TRPM8: variants seen among roughly 807,000 people sequenced by gnomAD.
The protein encoded by TRPM8 is TRPM8 cationic channel.
In TRPM8, 110 loss-of-function variants were observed where a neutral mutation model predicts 133.7. The observed-to-expected ratio is 0.82, with a 90% confidence interval of 0.70 to 0.96. TRPM8 has a LOEUF of 0.96. TRPM8 is among the 40% of genes least tolerant of loss of function. The pLI, the probability that TRPM8 is intolerant of heterozygous loss-of-function variation, is 0.00. For synonymous variants in TRPM8, 535 were observed against 532.3 expected, an observed-to-expected ratio of 1.01 and a Z score of -0.07; for missense variants, 1,291 against 1,379.5, an observed-to-expected ratio of 0.94 and a Z score of 1.02.
rs183819028 is a variant in TRPM8 at position 233,922,454 on chromosome 2, T to C, written c.-5-4079T>C. Among the ~76,000 whole-genome samples the C allele has an allele frequency of 3.6e-3, 551 of 152,338 alleles. 1 individual carries two copies. The highest frequency in any genetic ancestry group is 0.012 in the African/African-American group (497 of 41,574). On this transcript the variant is annotated intron_variant, in intron 1 of 25. Coordinates refer to ENST00000324695, the MANE Select transcript of TRPM8 (RefSeq NM_024080.5). Reference sequence around the variant, plus strand: ...ATTTTATCCTCAGCTCATTTATTTCTCTTTGGTTCCTTTGCTTTACATAAT... The same window carrying C: ...ATTTTATCCTCAGCTCATTTATTTCCCTTTGGTTCCTTTGCTTTACATAAT...
At chr2:233,964,381 G>A (rs1417317472) in intron 13 of TRPM8, among the ~76,000 whole-genome samples, 1 of 151,320 alleles carries the variant, frequency 6.6e-6, no homozygotes, top group Non-Finnish European at 1.5e-5. Context: ...GCGAAACCCC[G>A]TCTCTACTAA....
intron 25 of TRPM8, 27 bp from the exon 26 acceptor site, chr2:234,017,272 C>A: frequency 2.1e-6 from 1 of 470,140 alleles, no homozygotes; most frequent in Non-Finnish European, 4.4e-6. Context: ...CTATTCTTAA[C>A]ACAGTGTTCT....
chr2:233,934,378 A>G (rs1559519037), intron 3 of TRPM8, among the ~76,000 whole-genome samples: 1 of 152,222 alleles, frequency 6.6e-6, no homozygotes, highest in Non-Finnish European at 1.5e-5. Context: ...CTAATTTCAA[A>G]TTCTTAAGAA....
chr2:233,949,913 GTC>G, intron 8 of TRPM8, 34 bp from the exon 9 acceptor site: 1 of 1,605,688 alleles, frequency 6.2e-7, no homozygotes, highest in Non-Finnish European at 8.5e-7. Context: ...GTGGACCAAG[GTC>G]TCTGATCTGT....
intron 18 of TRPM8, among the ~76,000 whole-genome samples, chr2:233,980,969 G>A (rs1691992588): frequency 6.6e-6 from 1 of 152,164 alleles, no homozygotes; most frequent in Admixed American, 6.5e-5. Flanking sequence ...CAACACTTTG[G>A]GAGGATGAGG....
intron 21 of TRPM8, among the ~76,000 whole-genome samples, chr2:233,990,911 G>C (rs190376036): frequency 2.6e-4 from 40 of 152,236 alleles, no homozygotes; most frequent in African/African-American, 8.7e-4. Flanking sequence ...GGAAACATAT[G>C]AATATAATAT....
chr2:233,947,181 AG>A, intron 8 of TRPM8, 26 bp downstream of exon 8: 1 of 1,612,598 alleles, frequency 6.2e-7, no homozygotes, highest in Admixed American at 1.7e-5. Flanking sequence ...GTTTTCTAGA[AG>A]GTTGGCTAAT....
At chr2:234,002,217 G>A (rs1312707430) in intron 22 of TRPM8, among the ~76,000 whole-genome samples, 7 of 151,968 alleles carry the variant, frequency 4.6e-5, no homozygotes, top group South Asian at 2.1e-4. Context: ...GCCACAGAGC[G>A]AGGAGTGGGC....
At chr2:233,945,547 G>T (rs575928168) in intron 6 of TRPM8, among the ~76,000 whole-genome samples, 1 of 152,056 alleles carries the variant, frequency 6.6e-6, no homozygotes, top group African/African-American at 2.4e-5. Context: ...TTTGAATTTC[G>T]TTGAATTTAT....
At position 233,947,454 on chromosome 2, in the gene TRPM8, T is replaced by A. The variant is rs1559524516; in HGVS notation, c.942+299T>A. 5.0e-6 allele frequency: 7 copies of A among 1,390,094 alleles called. No individual in the cohort carries two copies. In the East Asian group the frequency reaches 2.3e-4, roughly 46 times the overall value. The allele number at this position is 1,390,094 out of a possible 1,614,324, so 86.1% of individuals were successfully genotyped here. On this transcript the variant is annotated intron_variant, in intron 8 of 25. Transcript: ENST00000324695. ...GGAGACTTAAAGATTGTAACCGGCA[T>A]ATATATTAGAAAGCTATGGCCAACC...
At chr2:233,927,757 TC>T (rs1691555882) in intron 2 of TRPM8, among the ~76,000 whole-genome samples, 1 of 68,280 alleles carries the variant, frequency 1.5e-5, no homozygotes, top group Non-Finnish European at 2.3e-5. Flanking sequence ...TTTCTTTCTT[TC>T]TTTCTTTCTT....
In TRPM8 at chr2:234,008,113, T is replaced by C. The variant is rs773418371; in HGVS notation, c.3264+10T>C. ...ACAACTGGATACAAAGGTATGGTTC[T>C]GTTAATAGTTTGGATTTTTTTTTTT... On this transcript the variant is annotated intron_variant, in intron 24 of 25. Transcript: ENST00000324695. 1.3e-6 allele frequency: 2 copies of C among 1,593,972 alleles called. No individual in the cohort carries two copies. The highest frequency in any genetic ancestry group is 2.3e-5 in the South Asian group (2 of 85,824).
chr2:233,945,305 A>G (rs1182455467), intron 6 of TRPM8, among the ~76,000 whole-genome samples: 1 of 152,206 alleles, frequency 6.6e-6, no homozygotes, highest in Non-Finnish European at 1.5e-5. Context: ...TTTTGGGAAC[A>G]AAGTATCCAT....
intron 3 of TRPM8, 100 bp from the exon 4 acceptor site, chr2:233,937,253 G>T: frequency 7.1e-7 from 1 of 1,411,474 alleles, no homozygotes; most frequent in Non-Finnish European, 9.7e-7. Context: ...AATAAGACTT[G>T]AAGGTATCCT....
intron 24 of TRPM8, among the ~76,000 whole-genome samples, chr2:234,008,345 C>T (rs973372871): frequency 6.6e-6 from 1 of 152,190 alleles, no homozygotes; most frequent in Non-Finnish European, 1.5e-5. Context: ...CAACTCAGGG[C>T]CCCCTCTTCT....
At chr2:233,924,125 C>G (rs1691463979) in intron 1 of TRPM8, among the ~76,000 whole-genome samples, 1 of 152,186 alleles carries the variant, frequency 6.6e-6, no homozygotes, top group Non-Finnish European at 1.5e-5. Context: ...TTGGTGTGCT[C>G]AGATCATCCC....
chr2:233,976,071 CA>C (rs1425977717), intron 17 of TRPM8, among the ~76,000 whole-genome samples: 3 of 152,178 alleles, frequency 2.0e-5, no homozygotes, highest in Non-Finnish European at 4.4e-5. Flanking sequence ...TTCCTTTCAA[CA>C]AATACTTCAC....
At chr2:233,940,202 C>T (rs1253887018) in intron 5 of TRPM8, among the ~76,000 whole-genome samples, 1 of 151,732 alleles carries the variant, frequency 6.6e-6, no homozygotes, top group East Asian at 1.9e-4. Flanking sequence ...GTTTGTCTAA[C>T]CTTAACATTT....
At chr2:234,007,842 A>G (rs1251286158) in intron 23 of TRPM8, among the ~76,000 whole-genome samples, 2 of 152,352 alleles carry the variant, frequency 1.3e-5, no homozygotes, top group East Asian at 1.9e-4. Flanking sequence ...GTCAACAGCA[A>G]TAGCATTTAT....
Sources: allele counts gnomAD v4.1 joint callset (sites outside exome capture counted in the v4.1 genomes callset), GRCh38; gene constraint gnomAD v4.1.1; transcripts MANE v1.5; gene names NCBI Gene and HGNC (gene_info 2026-07-23, HGNC 2026-07-21).